Variants in SLC15A2 observed in about 807,000 individuals in gnomAD.
The protein encoded by SLC15A2 is kidney H(+)/peptide cotransporter.
Under a neutral mutation model 95.5 loss-of-function variants are expected in SLC15A2, and 77 were observed. That is an observed-to-expected ratio of 0.81 (90% CI 0.67 to 0.97). SLC15A2 has a LOEUF of 0.97. Ranked by LOEUF, SLC15A2 falls within the 50% of genes least tolerant of loss-of-function variation. The pLI is 0.00. For missense variants in SLC15A2, 893 were observed against 874.4 expected (o/e 1.02, Z -0.27); for synonymous variants, 306 against 306.9 (o/e 1.00, Z 0.03).
intron 3 of SLC15A2, among the ~76,000 whole-genome samples, chr3:121,902,174 T>C (rs1459103116): frequency 1.3e-5 from 2 of 152,076 alleles, no homozygotes; most frequent in African/African-American, 4.8e-5. Context: ...AACATGCATA[T>C]TGGTTTCTCA....
At chr3:121,925,725 A>T (rs752216220) in intron 13 of SLC15A2, among the ~76,000 whole-genome samples, 1 of 56,318 alleles carries the variant, frequency 1.8e-5, no homozygotes, top group African/African-American at 6.9e-5. Context: ...AAGGGGCTAG[A>T]CTATATATAT....
At position 121,897,585 on chromosome 3, in the gene SLC15A2, A is replaced by C. The variant is rs572587415; in HGVS notation, c.335+56A>C. 1.0e-5 allele frequency: 16 copies of C among 1,586,494 alleles called. No homozygotes were observed. In the East Asian group the frequency reaches 3.4e-4, roughly 33 times the overall value. Reference sequence around the variant, plus strand: ...AGTTTCACAGGTTGTGCAGAAGGCTATCACTTCTAGCCTCTTGCTTCTGAG... The same window carrying C: ...AGTTTCACAGGTTGTGCAGAAGGCTCTCACTTCTAGCCTCTTGCTTCTGAG... On this transcript the variant is annotated intron_variant, in intron 3 of 21. Transcript: ENST00000489711.
At chr3:121,925,094 A>T in intron 13 of SLC15A2, 61 bp downstream of exon 13, 1 of 1,143,044 alleles carries the variant, frequency 8.7e-7, no homozygotes, top group Admixed American at 1.7e-5. Flanking sequence ...GCCCAGTTTG[A>T]AAAAGATTCA....
intron 3 of SLC15A2, among the ~76,000 whole-genome samples, chr3:121,909,362 C>T (rs1017372270): frequency 2.2e-4 from 34 of 152,252 alleles, no homozygotes; most frequent in African/African-American, 7.7e-4. Context: ...TGCAACTGGC[C>T]CAAAAGTCAC....
At chr3:121,921,391 A>G (rs547843460) in intron 7 of SLC15A2, among the ~76,000 whole-genome samples, 5 of 151,678 alleles carry the variant, frequency 3.3e-5, no homozygotes, top group Non-Finnish European at 7.3e-5. Flanking sequence ...TTTTTGAGTC[A>G]GTCAAGCCTC....
rs1400335529 is a variant in SLC15A2 at position 121,928,444 on chromosome 3, T to C, written c.1230T>C (p.Gly410=). The change falls in exon 15 of 22, where the codon GGT becomes GGC. Residue 410 remains glycine (G), a synonymous_variant. Transcript: ENST00000489711. ...AGGAAATGGCCCCAGCCCAGCCAGG[T>C]CCCCAGGAGGTTTTCCTACAAGTCT... ...KINEMAPAQP[G]PQEVFLQVLN... 1 of 1,613,750 alleles carries C rather than the reference T, an allele frequency of 6.2e-7. No individual in the cohort carries two copies. The highest frequency in any genetic ancestry group is 2.2e-5 in the East Asian group (1 of 44,888).
In SLC15A2 at chr3:121,941,285, T is replaced by A. The variant is rs1710460444; in HGVS notation, c.*278T>A. 1 of 273,726 alleles carries A rather than the reference T, an allele frequency of 3.7e-6. No individual in the cohort carries two copies. The highest frequency in any genetic ancestry group is 6.8e-6 in the Non-Finnish European group (1 of 147,236). The allele number at this position is 273,726 out of a possible 1,614,324, so 17.0% of individuals were successfully genotyped here. On this transcript the variant is annotated 3_prime_UTR_variant, in exon 22 of 22. Transcript: ENST00000489711. ...AAATGACCATGAAAATACACACGTATAATGGAGATCATTCTCTGTGGGTAT... is the reference window on the plus strand; with the variant it reads ...AAATGACCATGAAAATACACACGTAAAATGGAGATCATTCTCTGTGGGTAT...
In SLC15A2 at chr3:121,940,393, AG is replaced by A; in HGVS notation, c.1919del (p.Ser640ThrfsTer2). On this transcript the variant is annotated frameshift_variant, in exon 21 of 22. Coordinates refer to ENST00000489711, the MANE Select transcript of SLC15A2 (RefSeq NM_021082.4). LOFTEE classifies it high-confidence loss of function. ...CTTGTGTCATCCCCAGGCTCCCTCT[AG>A]CATGAAATCTGTGCTCCAGGCAGCT... ...LEFSYSQAPS[S>X]MKSVLQAAWL... 6.2e-7 allele frequency: 1 copy of A among 1,613,890 alleles called. No homozygotes were observed. Among genetic ancestry groups the A allele is most frequent in the South Asian group, 1.1e-5 (1 of 91,072 alleles).
At chr3:121,923,657 G>A (rs1710053091) in intron 11 of SLC15A2, among the ~76,000 whole-genome samples, 2 of 152,114 alleles carry the variant, frequency 1.3e-5, no homozygotes, top group Admixed American at 6.5e-5. Flanking sequence ...GGGACCTGTG[G>A]GAAATGGAAT....
At chr3:121,931,544 A>G in intron 18 of SLC15A2, 95 bp from the exon 19 acceptor site, 1 of 696,336 alleles carries the variant, frequency 1.4e-6, no homozygotes. Context: ...TGCTTTCCTC[A>G]CCATCAGTAG....
Position 121,915,279 on chromosome 3 carries a change from G to A in SLC15A2, c.581G>A (p.Gly194Glu). Residue 194 changes from glycine to glutamate, a missense_variant, in exon 6 of 22, where the codon GGG (glycine) becomes GAG (glutamate). Transcript: ENST00000489711. Reference protein sequence around the residue: ...FSVFYLSINAGSLISTFITPM... With the variant: ...FSVFYLSINAESLISTFITPM... ...GTCTTCTACCTGTCCATCAATGCAGGGAGCTTGATTTCTACATTTATCACA... is the reference window on the plus strand; with the variant it reads ...GTCTTCTACCTGTCCATCAATGCAGAGAGCTTGATTTCTACATTTATCACA... 1 of 1,613,860 alleles carries A rather than the reference G, an allele frequency of 6.2e-7. No homozygotes were observed. The highest frequency in any genetic ancestry group is 8.5e-7 in the Non-Finnish European group (1 of 1,179,802).
intron 9 of SLC15A2, 55 bp from the exon 10 acceptor site, chr3:121,922,985 G>C: frequency 6.3e-7 from 1 of 1,585,410 alleles, no homozygotes; most frequent in South Asian, 1.1e-5. Context: ...CTTTAAGCAA[G>C]AAAGCCATGT....
At chr3:121,940,174 A>G (rs1710433614) in intron 20 of SLC15A2, among the ~76,000 whole-genome samples, 1 of 152,218 alleles carries the variant, frequency 6.6e-6, no homozygotes, top group Non-Finnish European at 1.5e-5. Flanking sequence ...AATGAAGATT[A>G]TATGACATAA....
At chr3:121,937,948 G>A (rs1168725442) in intron 19 of SLC15A2, among the ~76,000 whole-genome samples, 1 of 151,560 alleles carries the variant, frequency 6.6e-6, no homozygotes, top group Non-Finnish European at 1.5e-5. Context: ...TTTTTGGTGT[G>A]GATGTCCTTT....
At chr3:121,897,270 G>T (rs1280845459) in intron 2 of SLC15A2, 118 bp from the exon 3 acceptor site, 4 of 1,205,364 alleles carry the variant, frequency 3.3e-6, no homozygotes, top group Non-Finnish European at 4.7e-6. Context: ...ACTGATAGGA[G>T]TGCTGAAGGC....
At chr3:121,896,575 G>A (rs2107563885) in intron 2 of SLC15A2, 82 bp downstream of exon 2, 2 of 1,089,426 alleles carry the variant, frequency 1.8e-6, no homozygotes, top group African/African-American at 1.5e-5. Context: ...CTCTTTATAT[G>A]CACTTATTTC....
chr3:121,897,932 C>A (rs185034013), intron 3 of SLC15A2, among the ~76,000 whole-genome samples: 2 of 152,102 alleles, frequency 1.3e-5, no homozygotes, highest in Non-Finnish European at 2.9e-5. Flanking sequence ...GAGGCCGAGG[C>A]GGGCAGATTG....
intron 3 of SLC15A2, 92 bp downstream of exon 3, chr3:121,897,621 C>CCTAT (rs1709443924): frequency 8.0e-7 from 1 of 1,254,802 alleles, no homozygotes; most frequent in Admixed American, 2.2e-5. Flanking sequence ...TAAGAACATA[C>CCTAT]CTATGTCATG....
In SLC15A2 at chr3:121,924,376, A is replaced by C. The variant is rs763831119; in HGVS notation, c.1028A>C (p.Gln343Pro). The change falls in exon 12 of 22, where the codon CAG (glutamine) becomes CCG (proline). Residue 343 changes from glutamine (Q) to proline (P), a missense_variant. Coordinates refer to ENST00000489711, the MANE Select transcript of SLC15A2 (RefSeq NM_021082.4). ...GGGTTTTTTGTGCTTCAGCCGGACC[A>C]GATGCAGGTATGTGACTCTTCTATA... is the stretch of plus-strand genomic sequence containing the variant. ...NLGFFVLQPD[Q>P]MQVLNPLLVL... The C allele has an allele frequency of 1.2e-6, 2 of 1,613,498 alleles. No individual in the cohort carries two copies. The highest frequency in any genetic ancestry group is 1.7e-6 in the Non-Finnish European group (2 of 1,179,588).
Sources: gnomAD v4.1 joint callset for allele counts (sites outside exome capture counted in the v4.1 genomes callset) on GRCh38, gnomAD v4.1.1 for gene constraint, MANE v1.5 for transcripts, NCBI Gene and HGNC (gene_info 2026-07-23, HGNC 2026-07-21) for gene names.